Variants in ZSWIM5 observed in about 807,000 individuals in gnomAD.
The protein encoded by ZSWIM5 is zinc finger SWIM domain-containing protein 5.
In ZSWIM5, 55 loss-of-function variants were observed where a neutral mutation model predicts 119.6. The ratio of observed to expected loss-of-function variants is 0.46; its 90% confidence interval spans 0.37 to 0.58. The LOEUF (loss-of-function observed/expected upper bound fraction) is 0.58, where lower values mean the gene tolerates loss of function less well. ZSWIM5 is among the 20% of genes least tolerant of loss of function. The pLI is 0.00. For synonymous variants in ZSWIM5, 537 were observed against 606.9 expected (o/e 0.88, Z 1.69); for missense variants, 1,193 against 1,512.8 (o/e 0.79, Z 3.51).
At chr1:45,180,453 C>T (rs1470992989) in intron 1 of ZSWIM5, among the ~76,000 whole-genome samples, 2 of 152,288 alleles carry the variant, frequency 1.3e-5, no homozygotes, top group African/African-American at 4.8e-5. Context: ...TGGAGCCCAC[C>T]ACAGCTCAAG....
chr1:45,152,738 AC>A (rs1175032490), intron 1 of ZSWIM5, among the ~76,000 whole-genome samples: 6 of 152,136 alleles, frequency 3.9e-5, no homozygotes, highest in Non-Finnish European at 7.4e-5. Flanking sequence ...TGCAACAAAA[AC>A]AAAAATTGGC....
chr1:45,114,251 A>G (rs189611814), intron 1 of ZSWIM5, among the ~76,000 whole-genome samples: 4 of 152,328 alleles, frequency 2.6e-5, no homozygotes, highest in Admixed American at 2.0e-4. Context: ...CACAAGCATT[A>G]TAAGGAGAGT....
intron 1 of ZSWIM5, among the ~76,000 whole-genome samples, chr1:45,111,796 C>T (rs1458421539): frequency 6.6e-5 from 10 of 152,244 alleles, no homozygotes; most frequent in African/African-American, 1.7e-4. Context: ...CCAGATAATC[C>T]GGGTAAATAT....
At chr1:45,141,040 G>A (rs193183762) in intron 1 of ZSWIM5, among the ~76,000 whole-genome samples, 109 of 152,258 alleles carry the variant, frequency 7.2e-4, no homozygotes, top group African/African-American at 2.6e-3. Context: ...AATACTCAGA[G>A]AGAGTGTGAA....
chr1:45,023,618 T>C (rs1004484408), intron 11 of ZSWIM5, among the ~76,000 whole-genome samples: 1 of 152,140 alleles, frequency 6.6e-6, no homozygotes, highest in Non-Finnish European at 1.5e-5. Flanking sequence ...TTGAAGAACA[T>C]CTTGGTTACC....
intron 1 of ZSWIM5, among the ~76,000 whole-genome samples, chr1:45,176,161 T>C (rs1272976979): frequency 6.7e-6 from 1 of 149,040 alleles, no homozygotes; most frequent in Non-Finnish European, 1.5e-5. Flanking sequence ...ATATTATATA[T>C]ATATTCCAAT....
intron 1 of ZSWIM5, among the ~76,000 whole-genome samples, chr1:45,138,135 G>GGGTCAACT (rs1645700937): frequency 6.6e-6 from 1 of 151,990 alleles, no homozygotes; most frequent in African/African-American, 2.4e-5. Flanking sequence ...TGAACAACAT[G>GGGTCAACT]GGTCAACTTA....
At position 45,206,328 on chromosome 1, in the gene ZSWIM5, T is replaced by A; in HGVS notation, c.23A>T (p.Glu8Val). 2 of 1,501,992 alleles carry A rather than the reference T, an allele frequency of 1.3e-6. No individual in the cohort carries two copies. Among genetic ancestry groups the A allele is most frequent in the Non-Finnish European group, 1.8e-6 (2 of 1,124,776 alleles). The allele number at this position is 1,501,992 out of a possible 1,614,324, so 93.0% of individuals were successfully genotyped here. Reference protein sequence around the residue: MADGGEREELLSPSPVSP... With the variant: MADGGERVELLSPSPVSP... ...GACCGGTGACGGCGAGAGCAGCTCC[T>A]CTCGCTCACCTCCGTCCGCCATTGC... The change falls in exon 1 of 14, where the codon GAG becomes GTG. Residue 8 changes from glutamate (E) to valine (V), a missense_variant. By Grantham distance (121) the Glu-to-Val change is moderately radical. This residue lies in a region of ZSWIM5 where 232 missense variants were observed against 222.9 expected (regional missense o/e 1.04). Transcript: ENST00000359600.
At chr1:45,141,919 T>C (rs1430663844) in intron 1 of ZSWIM5, among the ~76,000 whole-genome samples, 3 of 152,174 alleles carry the variant, frequency 2.0e-5, no homozygotes, top group African/African-American at 7.2e-5. Flanking sequence ...TATTCTTCTT[T>C]ATCTGCATTG....
chr1:45,134,072 T>C (rs2149031853), intron 1 of ZSWIM5, among the ~76,000 whole-genome samples: 1 of 152,272 alleles, frequency 6.6e-6, no homozygotes, highest in Non-Finnish European at 1.5e-5. Context: ...TCTTTTGGCT[T>C]AGGATTGTCT....
chr1:45,110,847 C>T (rs1459854685), intron 1 of ZSWIM5, among the ~76,000 whole-genome samples: 1 of 151,930 alleles, frequency 6.6e-6, no homozygotes, highest in Non-Finnish European at 1.5e-5. Flanking sequence ...AATTTCTGTA[C>T]CCTGATGGAG....
chr1:45,164,491 G>A (rs1165489794), intron 1 of ZSWIM5, among the ~76,000 whole-genome samples: 2 of 152,006 alleles, frequency 1.3e-5, no homozygotes, highest in African/African-American at 4.8e-5. Flanking sequence ...AAATGTAAAT[G>A]GGCTAAATGC....
chr1:45,141,434 AC>A (rs1416163156), intron 1 of ZSWIM5, among the ~76,000 whole-genome samples: 1 of 152,124 alleles, frequency 6.6e-6, no homozygotes, highest in African/African-American at 2.4e-5. Context: ...TGGTTTATGA[AC>A]TCCTGGCCCC....
intron 1 of ZSWIM5, among the ~76,000 whole-genome samples, chr1:45,160,564 C>T (rs1144871): frequency 0.16 from 24,215 of 151,870 alleles, 2,581 homozygotes; most frequent in African/African-American, 0.3. Context: ...TTGCTTAATA[C>T]GATGACCTCC....
chr1:45,106,755 C>T (rs10127963), intron 1 of ZSWIM5, among the ~76,000 whole-genome samples: 3,109 of 152,120 alleles, frequency 0.02, 117 homozygotes, highest in African/African-American at 0.072. Context: ...ATGACTATGG[C>T]GGTTTTGTCG....
At chr1:45,190,080 G>A (rs1453669317) in intron 1 of ZSWIM5, among the ~76,000 whole-genome samples, 2 of 152,180 alleles carry the variant, frequency 1.3e-5, no homozygotes, top group Non-Finnish European at 2.9e-5. Flanking sequence ...ATGGGAGGCT[G>A]AAGCAGGCAG....
intron 10 of ZSWIM5, among the ~76,000 whole-genome samples, chr1:45,034,975 A>C (rs574489185): frequency 6.6e-6 from 1 of 152,086 alleles, no homozygotes; most frequent in South Asian, 2.1e-4. Context: ...TTTTGTAGAG[A>C]TGGGGTTTCA....
chr1:45,070,317 A>G (rs995201790), intron 2 of ZSWIM5: 16 of 1,425,786 alleles, frequency 1.1e-5, no homozygotes, highest in African/African-American at 4.2e-5. Flanking sequence ...GTAAGACGCC[A>G]CCACCAGAGC....
At chr1:45,096,263 G>A (rs1338027379) in intron 1 of ZSWIM5, among the ~76,000 whole-genome samples, 2 of 151,966 alleles carry the variant, frequency 1.3e-5, no homozygotes, top group African/African-American at 2.4e-5. Context: ...ACTTGGTAGT[G>A]TACCACAGTT....
Sources: allele counts gnomAD v4.1 joint callset (sites outside exome capture counted in the v4.1 genomes callset), GRCh38; gene constraint gnomAD v4.1.1; regional missense constraint gnomAD v4.1.1; transcripts MANE v1.5; gene names NCBI Gene and HGNC (gene_info 2026-07-23, HGNC 2026-07-21).